Variants in CAMSAP2 observed in about 807,000 individuals in gnomAD.
The protein encoded by CAMSAP2 is calmodulin-regulated spectrin-associated protein 2.
CAMSAP2 carries 26 observed loss-of-function variants against 146.1 expected under a neutral mutation model. The observed-to-expected ratio is 0.18, with a 90% confidence interval of 0.13 to 0.25. The LOEUF is 0.25. Ranked by LOEUF, CAMSAP2 falls within the 10% of genes least tolerant of loss-of-function variation. CAMSAP2 has a pLI of 1.00. For synonymous variants in CAMSAP2, 499 were observed against 596.6 expected (o/e 0.84, Z 2.38); for missense variants, 1,381 against 1,759.3 (o/e 0.78, Z 3.85).
intron 14 of CAMSAP2, 104 bp from the exon 15 acceptor site, chr1:200,855,906 T>C (rs1667738733): frequency 1.3e-6 from 1 of 757,430 alleles, no homozygotes; most frequent in Non-Finnish European, 2.2e-6. Context: ...TATCATATTA[T>C]TTTTAGGCCT....
At chr1:200,844,523 G>A (rs561360988) in intron 7 of CAMSAP2, among the ~76,000 whole-genome samples, 1 of 152,084 alleles carries the variant, frequency 6.6e-6, no homozygotes, top group East Asian at 1.9e-4. Flanking sequence ...ACTCCAGCCT[G>A]GGTGACAGAG....
chr1:200,794,457 A>C lies in CAMSAP2; in HGVS notation c.400-12919A>C, dbSNP rs1166610500. 3.9e-5 allele frequency among the ~76,000 whole-genome samples: 6 copies of C among 152,330 alleles called. No individual in the cohort carries two copies. In the East Asian group the frequency reaches 1.2e-3, roughly 29 times the overall value. ...ATATTAATGGGGAATGTTATTTAGAAACCATGATCTGGGGATAGATGTATT... is the reference window on the plus strand; with the variant it reads ...ATATTAATGGGGAATGTTATTTAGACACCATGATCTGGGGATAGATGTATT... On this transcript the variant is annotated intron_variant, in intron 2 of 16. Transcript: ENST00000358823.
chr1:200,837,604 A>G (rs764070920), intron 6 of CAMSAP2, among the ~76,000 whole-genome samples: 3 of 152,074 alleles, frequency 2.0e-5, no homozygotes, highest in Non-Finnish European at 4.4e-5. Flanking sequence ...TTTTAGTTCT[A>G]TGAAGAATAT....
At chr1:200,833,723 T>A in intron 6 of CAMSAP2, among the ~76,000 whole-genome samples, 2 of 152,202 alleles carry the variant, frequency 1.3e-5, no homozygotes, top group East Asian at 3.8e-4. Context: ...TTTTTAATTT[T>A]TGAATTAAAA....
chr1:200,800,871 A>G (rs1290835287), intron 2 of CAMSAP2, among the ~76,000 whole-genome samples: 2 of 151,998 alleles, frequency 1.3e-5, no homozygotes, highest in East Asian at 1.9e-4. Context: ...GGTGACAAAA[A>G]TCTCTCAGTA....
intron 4 of CAMSAP2, among the ~76,000 whole-genome samples, chr1:200,818,639 A>G (rs193273787): frequency 2.8e-3 from 427 of 152,272 alleles, no homozygotes; most frequent in African/African-American, 9.5e-3. Flanking sequence ...AGAAACACAC[A>G]ATCACAGAAT....
Position 200,858,366 on chromosome 1 carries a change from G to T in CAMSAP2, c.*307G>T, listed in dbSNP as rs61825261. On this transcript the variant is annotated 3_prime_UTR_variant, in exon 17 of 17. Coordinates refer to ENST00000358823, the MANE Select transcript of CAMSAP2 (RefSeq NM_203459.4). ...ACTGAATTTTCATGGATATTAGTTG[G>T]ATTTATCATTGAAATATGGTTAAGA... The T allele has an allele frequency of 6.6e-5, 16 of 241,144 alleles. No individual in the cohort carries two copies. The highest frequency in any genetic ancestry group is 3.1e-4 in the African/African-American group (14 of 44,868). The allele number at this position is 241,144 out of a possible 1,614,324, so 14.9% of individuals were successfully genotyped here.
intron 1 of CAMSAP2, among the ~76,000 whole-genome samples, chr1:200,753,902 G>A (rs894793867): frequency 6.6e-6 from 1 of 152,138 alleles, no homozygotes; most frequent in Non-Finnish European, 1.5e-5. Flanking sequence ...AGAAGACTTG[G>A]GCAAGGGTGC....
chr1:200,762,120 A>T (rs973406341), intron 2 of CAMSAP2, among the ~76,000 whole-genome samples: 4 of 152,220 alleles, frequency 2.6e-5, no homozygotes, highest in African/African-American at 9.6e-5. Flanking sequence ...AAAATTTATG[A>T]AGTTATGTAA....
intron 1 of CAMSAP2, 40 bp downstream of exon 1, chr1:200,740,006 T>A: frequency 6.2e-7 from 1 of 1,606,548 alleles, no homozygotes; most frequent in Non-Finnish European, 8.5e-7. Context: ...TTCCTCCTGA[T>A]GTGGTCCACA....
chr1:200,789,908 A>G (rs1222090526), intron 2 of CAMSAP2, among the ~76,000 whole-genome samples: 1 of 152,196 alleles, frequency 6.6e-6, no homozygotes, highest in Non-Finnish European at 1.5e-5. Context: ...TGGGGGTGCT[A>G]ATGAAAATGG....
At chr1:200,821,371 C>T (rs1330249456) in intron 4 of CAMSAP2, among the ~76,000 whole-genome samples, 1 of 152,012 alleles carries the variant, frequency 6.6e-6, no homozygotes, top group African/African-American at 2.4e-5. Flanking sequence ...TTTGTAGAGT[C>T]AGGGTCTCAC....
At chr1:200,810,174 G>C (rs1016315377) in intron 3 of CAMSAP2, among the ~76,000 whole-genome samples, 1 of 152,234 alleles carries the variant, frequency 6.6e-6, no homozygotes, top group Non-Finnish European at 1.5e-5. Flanking sequence ...AGGAGAGTCT[G>C]CATTTCTAAC....
rs375428473 is a variant in CAMSAP2, at chr1:200,816,793, C to T, written c.645+1149C>T. On this transcript the variant is annotated intron_variant, in intron 4 of 16. Coordinates refer to ENST00000358823, the MANE Select transcript of CAMSAP2 (RefSeq NM_203459.4). ...ACACACGCGTGTATATATGTGTGTA[C>T]ACACACACGCGTGTATATATGTGTG... Among the ~76,000 whole-genome samples the T allele has an allele frequency of 1.3e-3, 67 of 51,732 alleles. 11 individuals carry two copies. The highest frequency in any genetic ancestry group is 7.9e-3 in the African/African-American group (54 of 6,800). The allele number at this position is 51,732 out of a possible 152,430, so 33.9% of individuals were successfully genotyped here.
Position 200,857,670 on chromosome 1 carries a change from G to GT in CAMSAP2, c.4132-83dup. On this transcript the variant is annotated intron_variant, in intron 16 of 16. Transcript: ENST00000358823. This position sits in a 1 kb window ranked among gnomAD's most constrained non-coding sequence, Gnocchi z 4.7. ...ATGTTATAAAATGTGACTAAGAAAC[G>GT]TAACATAATTATATAAACTTTATTC... is the stretch of plus-strand genomic sequence containing the variant. 8.4e-7 allele frequency: 1 copy of GT among 1,189,806 alleles called. No individual in the cohort carries two copies. Among genetic ancestry groups the GT allele is most frequent in the Non-Finnish European group, 1.2e-6 (1 of 850,852 alleles). 73.7% of individuals were successfully genotyped at this position (1,189,806 alleles called of 1,614,324 possible). A position where few individuals can be genotyped will look rare whatever the true frequency, so the allele number is the denominator to read the frequency against.
chr1:200,832,295 A>G lies in CAMSAP2; in HGVS notation c.741A>G (p.Leu247=), dbSNP rs143623964. The change falls in exon 5 of 17, where the codon TTA becomes TTG. Residue 247 remains leucine, a synonymous_variant. Coordinates refer to ENST00000358823, the MANE Select transcript of CAMSAP2 (RefSeq NM_203459.4). This position sits in a 1 kb window ranked among gnomAD's most constrained non-coding sequence, Gnocchi z 4.2. ...LLKDGTDGCA[L]AALIHFYCPD... is the part of the protein sequence containing the mutation. ...AGGATGGGACAGATGGCTGTGCATTAGCTGCCCTTATTCATTTTTACTGTC... is the reference window on the plus strand; with the variant it reads ...AGGATGGGACAGATGGCTGTGCATTGGCTGCCCTTATTCATTTTTACTGTC... 3.0e-5 allele frequency: 48 copies of G among 1,613,660 alleles called. No individual in the cohort carries two copies. In the African/African-American group the frequency reaches 5.2e-4, roughly 17 times the overall value.
intron 2 of CAMSAP2, among the ~76,000 whole-genome samples, chr1:200,801,606 A>G (rs1163827255): frequency 3.3e-5 from 5 of 151,980 alleles, no homozygotes; most frequent in Admixed American, 3.3e-4. Context: ...ATAGTCCCAT[A>G]TTTCTTGGAG....
intron 2 of CAMSAP2, among the ~76,000 whole-genome samples, chr1:200,804,705 A>G (rs1159590596): frequency 6.6e-6 from 1 of 152,238 alleles, no homozygotes; most frequent in Non-Finnish European, 1.5e-5. Context: ...ATGAATGACT[A>G]AGAGAAAGGC....
intron 3 of CAMSAP2, among the ~76,000 whole-genome samples, chr1:200,808,477 C>T (rs1185809089): frequency 1.3e-5 from 2 of 152,122 alleles, no homozygotes; most frequent in East Asian, 1.9e-4. Flanking sequence ...GCATGAAGCT[C>T]GTAATAAAAA....
Sources: allele counts gnomAD v4.1 joint callset (sites outside exome capture counted in the v4.1 genomes callset), GRCh38; gene constraint gnomAD v4.1.1; non-coding constraint Gnocchi (gnomAD v3.1); transcripts MANE v1.5; gene names NCBI Gene and HGNC (gene_info 2026-07-23, HGNC 2026-07-21).